Variants in ANO5 observed in about 807,000 individuals in gnomAD.
ANO5 encodes the protein anoctamin-5.
In ANO5, 109 loss-of-function variants were observed where a neutral mutation model predicts 121.0. The ratio of observed to expected loss-of-function variants is 0.90; its 90% CI spans 0.77 to 1.06. The LOEUF is 1.06. Among genes scored for constraint, ANO5 ranks in the 50% least tolerant of loss-of-function variants. ANO5 has a pLI of 0.00. For synonymous variants in ANO5, 406 were observed against 359.9 expected, an observed-to-expected ratio of 1.13 and a Z score of -1.45; for missense variants, 1,064 against 1,078.5, an observed-to-expected ratio of 0.99 and a Z score of 0.19.
At chr11:22,256,702 T>C (rs1854009418) in intron 13 of ANO5, among the ~76,000 whole-genome samples, 1 of 152,116 alleles carries the variant, frequency 6.6e-6, no homozygotes, top group Non-Finnish European at 1.5e-5. Flanking sequence ...TTAGCTTTCA[T>C]GGTTTAGAAA....
chr11:22,228,383 G>T (rs981649862), intron 7 of ANO5, among the ~76,000 whole-genome samples: 6 of 151,886 alleles, frequency 4.0e-5, no homozygotes, highest in African/African-American at 1.2e-4. Flanking sequence ...ACACATAATT[G>T]TACATATTTA....
rs377549896 is a variant in ANO5 at position 22,279,711 on chromosome 11, C to T, written c.2688C>T (p.Ala896=). 3.1e-5 allele frequency: 50 copies of T among 1,612,614 alleles called. No individual in the cohort carries two copies. The highest frequency in any genetic ancestry group is 4.1e-5 in the Non-Finnish European group (48 of 1,179,130). The part of the protein sequence containing the change: ...ENLGINSNEF[A]KHVMIEENKA... ...TGGGAATTAATTCTAATGAATTTGC[C>T]AAGCATGTCATGATTGAGGAAAACA... Residue 896 remains alanine (A), a synonymous_variant, in exon 22 of 22, where the codon GCC becomes GCT. Coordinates refer to ENST00000324559, the MANE Select transcript of ANO5 (RefSeq NM_213599.3).
intron 18 of ANO5, among the ~76,000 whole-genome samples, chr11:22,271,108 A>G (rs1854595341): frequency 6.6e-6 from 1 of 152,178 alleles, no homozygotes; most frequent in African/African-American, 2.4e-5. Context: ...GCTGGAGCGC[A>G]GCTGCCCAAT....
chr11:22,195,325 A>C (rs929172784), intron 1 of ANO5, among the ~76,000 whole-genome samples: 10 of 152,318 alleles, frequency 6.6e-5, no homozygotes, highest in African/African-American at 2.4e-4. Context: ...TTCTGAATAC[A>C]AGTCCCTTAT....
At chr11:22,257,825 C>T in intron 14 of ANO5, 71 bp downstream of exon 14, 1 of 1,272,464 alleles carries the variant, frequency 7.9e-7, no homozygotes, top group Non-Finnish European at 1.1e-6. Context: ...AACAGTGTTA[C>T]CTACAATGTC....
At position 22,263,268 on chromosome 11, in the gene ANO5, A is replaced by C. The variant is rs149324405; in HGVS notation, c.1898+225A>C. 9.5e-3 allele frequency among the ~76,000 whole-genome samples: 1,449 copies of C among 152,258 alleles called. 21 individuals carry two copies. Among genetic ancestry groups the C allele is most frequent in the African/African-American group, 0.033 (1,366 of 41,572 alleles). On this transcript the variant is annotated intron_variant, in intron 17 of 21. Transcript: ENST00000324559. ...TCCATGGCTAGCAAGGTTTTTAAAAAATTTTATTTGACAAATAATAATTAT... is the reference window on the plus strand; with the variant it reads ...TCCATGGCTAGCAAGGTTTTTAAAACATTTTATTTGACAAATAATAATTAT...
At chr11:22,273,655 A>AATTG (rs1854713990) in intron 19 of ANO5, among the ~76,000 whole-genome samples, 1 of 151,758 alleles carries the variant, frequency 6.6e-6, no homozygotes, top group African/African-American at 2.4e-5. Flanking sequence ...TTGTAAATCA[A>AATTG]ATTGATAGTA....
chr11:22,231,213 C>A (rs77143997), intron 7 of ANO5, among the ~76,000 whole-genome samples: 2,692 of 151,910 alleles, frequency 0.018, 88 homozygotes, highest in African/African-American at 0.061. Flanking sequence ...ATGCTCAATG[C>A]CCAGTATATA....
chr11:22,266,981 C>T (rs919495109), intron 17 of ANO5, among the ~76,000 whole-genome samples: 7 of 152,158 alleles, frequency 4.6e-5, no homozygotes, highest in African/African-American at 1.7e-4. Context: ...AACAAAATTA[C>T]ATAACTTTAA....
chr11:22,244,140 T>C (rs974214438), intron 9 of ANO5, among the ~76,000 whole-genome samples: 3 of 152,108 alleles, frequency 2.0e-5, no homozygotes, highest in Non-Finnish European at 2.9e-5. Context: ...CTGAGAAGAA[T>C]TGTATTTCTC....
chr11:22,282,136 T>C lies in ANO5; in HGVS notation c.*2371T>C, dbSNP rs1855104944. On this transcript the variant is annotated 3_prime_UTR_variant, in exon 22 of 22. Coordinates refer to ENST00000324559, the MANE Select transcript of ANO5 (RefSeq NM_213599.3). ...CCAACCACCACATGTAAGTTGATAA[T>C]TACCAGCATGGCAGGTGATTTTATC... The C allele has an allele frequency of 6.6e-6, 1 of 152,134 alleles. No homozygotes were observed. Among genetic ancestry groups the C allele is most frequent in the Non-Finnish European group, 1.5e-5 (1 of 67,994 alleles). The allele number at this position is 152,134 out of a possible 1,614,324, so 9.4% of individuals were successfully genotyped here. A position where few individuals can be genotyped will look rare whatever the true frequency, so the allele number is the denominator to read the frequency against.
chr11:22,228,441 C>T (rs1398030257), intron 7 of ANO5, among the ~76,000 whole-genome samples: 2 of 151,810 alleles, frequency 1.3e-5, no homozygotes, highest in African/African-American at 4.8e-5. Context: ...ATGTAATGAA[C>T]AAATTGGGAT....
chr11:22,252,528 G>A (rs977178456), intron 12 of ANO5, among the ~76,000 whole-genome samples: 1 of 152,078 alleles, frequency 6.6e-6, no homozygotes, highest in Non-Finnish European at 1.5e-5. Flanking sequence ...GGCTCTCCTT[G>A]ATGTTTGAAG....
chr11:22,262,982 C>G lies in ANO5; in HGVS notation c.1837C>G (p.Gln613Glu). ...AGGCTGTCTTATAGAATTGACAACC[C>G]AATTGACCATTATAATGACCGGGAA... ...PGGCLIELTTQLTIIMTGKQI... is the reference protein window; with the variant it reads ...PGGCLIELTTELTIIMTGKQI... The change falls in exon 17 of 22, where the codon CAA (glutamine) becomes GAA (glutamate). Residue 613 changes from glutamine (Q) to glutamate (E), a missense_variant. By Grantham distance (29) the Gln-to-Glu change is conservative. Coordinates refer to ENST00000324559, the MANE Select transcript of ANO5 (RefSeq NM_213599.3). 1 of 1,613,568 alleles carries G rather than the reference C, an allele frequency of 6.2e-7. No individual in the cohort carries two copies. Among genetic ancestry groups the G allele is most frequent in the Non-Finnish European group, 8.5e-7 (1 of 1,179,754 alleles).
At chr11:22,210,509 G>A (rs534734585) in intron 2 of ANO5, among the ~76,000 whole-genome samples, 12 of 151,980 alleles carry the variant, frequency 7.9e-5, no homozygotes, top group Admixed American at 6.6e-4. Flanking sequence ...ATTACAATCT[G>A]GACATGAATT....
Position 22,270,327 on chromosome 11 carries a change from G to A in ANO5, c.1914G>A (p.Trp638Ter). The A allele has an allele frequency of 1.2e-6, 2 of 1,614,100 alleles. No individual in the cohort carries two copies. The highest frequency in any genetic ancestry group is 2.2e-5 in the East Asian group (1 of 44,864). ...KEAIYPLALNWWRRRKARTNS... is the reference protein window; with the variant it reads ...KEAIYPLALN ...CTTCCAACAGCTTGGCTTTGAATTG[G>A]TGGAGACGCCGAAAAGCTCGGACAA... Residue 638 changes from tryptophan (W) to a stop codon, truncating the protein, a stop_gained, in exon 18 of 22, where the codon TGG (tryptophan) becomes TGA (stop). Transcript: ENST00000324559. LOFTEE classifies it high-confidence loss of function.
chr11:22,236,343 G>A (rs1206464774), intron 8 of ANO5, 67 bp downstream of exon 8: 9 of 1,291,956 alleles, frequency 7.0e-6, no homozygotes, highest in Non-Finnish European at 9.0e-6. Flanking sequence ...TACTGGGAGA[G>A]AGAATCTTCC....
chr11:22,262,336 A>G (rs1256288742), intron 16 of ANO5, 38 bp downstream of exon 16: 5 of 1,598,798 alleles, frequency 3.1e-6, no homozygotes, highest in Non-Finnish European at 4.3e-6. Flanking sequence ...TGTAGCTTCA[A>G]TACCTCAGTA....
intron 1 of ANO5, 105 bp from the exon 2 acceptor site, chr11:22,203,699 A>T: frequency 1.4e-6 from 1 of 701,926 alleles, no homozygotes; most frequent in Non-Finnish European, 2.4e-6. Flanking sequence ...TTTTTCTTTG[A>T]ATTTTTTAAT....
Sources: gnomAD v4.1 joint callset for allele counts (sites outside exome capture counted in the v4.1 genomes callset) on GRCh38, gnomAD v4.1.1 for gene constraint, MANE v1.5 for transcripts, NCBI Gene and HGNC (gene_info 2026-07-23, HGNC 2026-07-21) for gene names.